FHIT: variants seen among roughly 807,000 people sequenced by gnomAD.
The protein encoded by FHIT is fragile histidine triad diadenosine triphosphatase, also known as bis(5'-adenosyl)-triphosphatase.
A neutral mutation model predicts 17.9 loss-of-function variants in FHIT; 19 were observed. The ratio of observed to expected loss-of-function variants is 1.06; its 90% CI spans 0.74 to 1.56. FHIT has a LOEUF of 1.56. Among genes scored for constraint, FHIT ranks in the 40% most tolerant of loss-of-function variants. The pLI, the probability that FHIT is intolerant of heterozygous loss-of-function variation, is 0.00. For synonymous variants in FHIT, 81 were observed against 69.7 expected, an observed-to-expected ratio of 1.16 and a Z score of -0.81; for missense variants, 248 against 189.2, an observed-to-expected ratio of 1.31 and a Z score of -1.82.
chr3:61,235,363 GA>G (rs1187862305), intron 1 of FHIT, among the ~76,000 whole-genome samples: 1 of 152,108 alleles, frequency 6.6e-6, no homozygotes. Context: ...GAGTTGCTAA[GA>G]GGATGAAATA....
chr3:60,195,185 A>G (rs577358753), intron 5 of FHIT, among the ~76,000 whole-genome samples: 75 of 151,904 alleles, frequency 4.9e-4, no homozygotes, highest in African/African-American at 1.7e-3. Flanking sequence ...AAAAACAAAC[A>G]ACCAAAAAAA....
At chr3:60,535,237 A>G (rs1466714220) in intron 5 of FHIT, among the ~76,000 whole-genome samples, 1 of 152,208 alleles carries the variant, frequency 6.6e-6, no homozygotes, top group African/African-American at 2.4e-5. Flanking sequence ...AGGAACAACA[A>G]CAAAAAAAAG....
chr3:60,652,045 A>T (rs1371251124), intron 4 of FHIT, among the ~76,000 whole-genome samples: 1 of 152,254 alleles, frequency 6.6e-6, no homozygotes, highest in Non-Finnish European at 1.5e-5. Context: ...AAAGGAAACC[A>T]CAGCCTAAAA....
At chr3:60,816,706 A>G (rs575267984) in intron 4 of FHIT, among the ~76,000 whole-genome samples, 1 of 144,310 alleles carries the variant, frequency 6.9e-6, no homozygotes, top group African/African-American at 2.5e-5. Context: ...TTTTTTTTTT[A>G]TTGTGTGTTT....
chr3:61,099,420 T>G (rs1007477449), intron 2 of FHIT, among the ~76,000 whole-genome samples: 1 of 152,200 alleles, frequency 6.6e-6, no homozygotes, highest in African/African-American at 2.4e-5. Context: ...ATCAGGATGC[T>G]GCTGGCCTCA....
At chr3:60,434,326 T>C (rs944415942) in intron 5 of FHIT, among the ~76,000 whole-genome samples, 2 of 152,098 alleles carry the variant, frequency 1.3e-5, no homozygotes, top group Admixed American at 1.3e-4. Flanking sequence ...ATGTGAATAG[T>C]CACTTTTAAA....
intron 5 of FHIT, among the ~76,000 whole-genome samples, chr3:60,108,014 C>G (rs1704502125): frequency 6.6e-6 from 1 of 152,134 alleles, no homozygotes; most frequent in South Asian, 2.1e-4. Context: ...TGGACAAAAC[C>G]TCTTTAAACT....
chr3:60,591,656 A>G (rs528676719), intron 4 of FHIT, among the ~76,000 whole-genome samples: 64 of 152,212 alleles, frequency 4.2e-4, no homozygotes, highest in African/African-American at 1.4e-3. Flanking sequence ...TAGCTCTTCC[A>G]TATGTTACAC....
At chr3:60,925,057 T>C (rs13076157) in intron 3 of FHIT, among the ~76,000 whole-genome samples, 1 of 152,188 alleles carries the variant, frequency 6.6e-6, no homozygotes, top group Non-Finnish European at 1.5e-5. Flanking sequence ...TATGGGACTA[T>C]GTGAAAAGAC....
chr3:60,018,794 G>A (rs1033489516), intron 5 of FHIT, among the ~76,000 whole-genome samples: 2 of 151,578 alleles, frequency 1.3e-5, no homozygotes, highest in African/African-American at 2.4e-5. Flanking sequence ...CCTGGCCAAC[G>A]TGGTGAAACC....
At chr3:60,716,005 C>T (rs941053754) in intron 4 of FHIT, among the ~76,000 whole-genome samples, 1 of 151,960 alleles carries the variant, frequency 6.6e-6, no homozygotes, top group African/African-American at 2.4e-5. Flanking sequence ...AATCCCAGCA[C>T]TTCGGGAGGC....
At chr3:59,863,316 G>C (rs1184217374) in intron 8 of FHIT, among the ~76,000 whole-genome samples, 1 of 152,170 alleles carries the variant, frequency 6.6e-6, no homozygotes, top group East Asian at 1.9e-4. Flanking sequence ...CAAATAACAA[G>C]TCCTCTAAAT....
intron 5 of FHIT, among the ~76,000 whole-genome samples, chr3:60,507,549 C>T (rs148640775): frequency 1.3e-5 from 2 of 152,176 alleles, no homozygotes; most frequent in East Asian, 1.9e-4. Context: ...CTCAGGGGTA[C>T]GAGGGTAGGT....
chr3:60,455,651 C>G (rs139647263), intron 5 of FHIT, among the ~76,000 whole-genome samples: 1 of 151,958 alleles, frequency 6.6e-6, no homozygotes, highest in South Asian at 2.1e-4. Context: ...ATATAATATA[C>G]TAGATGCCCT....
intron 5 of FHIT, among the ~76,000 whole-genome samples, chr3:60,402,046 T>C (rs543853224): frequency 6.6e-6 from 1 of 152,284 alleles, no homozygotes; most frequent in African/African-American, 2.4e-5. Flanking sequence ...CATGCTTGAT[T>C]ACTAAGAGTC....
intron 8 of FHIT, among the ~76,000 whole-genome samples, chr3:59,817,510 T>C (rs1256956504): frequency 7.0e-6 from 1 of 143,316 alleles, no homozygotes; most frequent in African/African-American, 2.6e-5. Flanking sequence ...GCATAATGAG[T>C]TCTGATCGTG....
chr3:60,014,156 T>C lies in FHIT; in HGVS notation c.104-4A>G, dbSNP rs913082674. On this transcript the variant is annotated splice_region_variant and splice_polypyrimidine_tract_variant and intron_variant, in intron 5 of 9. Transcript: ENST00000492590. ...CGCAGCGGGCACACAAGGACATCTG[T>C]AGCAAGGTCTGTTAAGGCCCATGCT... 1.2e-5 allele frequency: 19 copies of C among 1,613,806 alleles called. No individual in the cohort carries two copies. The highest frequency in any genetic ancestry group is 1.4e-5 in the Non-Finnish European group (17 of 1,179,926).
At chr3:60,691,767 T>C (rs2040997289) in intron 4 of FHIT, among the ~76,000 whole-genome samples, 2 of 152,274 alleles carry the variant, frequency 1.3e-5, no homozygotes, top group South Asian at 4.1e-4. Flanking sequence ...GACTAATCCA[T>C]CTCCTTTTCC....
At chr3:60,194,942 G>A (rs773805393) in intron 5 of FHIT, among the ~76,000 whole-genome samples, 3 of 152,096 alleles carry the variant, frequency 2.0e-5, no homozygotes, top group African/African-American at 7.2e-5. Flanking sequence ...GAGGAGGGTG[G>A]ATCACCTGAA....
Sources: allele counts gnomAD v4.1 joint callset (sites outside exome capture counted in the v4.1 genomes callset), GRCh38; gene constraint gnomAD v4.1.1; transcripts MANE v1.5; gene names NCBI Gene and HGNC (gene_info 2026-07-23, HGNC 2026-07-21).